TRPC3: variants seen among roughly 807,000 people sequenced by gnomAD.
TRPC3 encodes short transient receptor potential channel 3.
TRPC3 carries 54 observed loss-of-function variants against 90.9 expected under a neutral mutation model. The ratio of observed to expected loss-of-function variants is 0.59; its 90% CI spans 0.48 to 0.75. TRPC3 has a LOEUF of 0.75. Ranked by LOEUF, TRPC3 falls within the 30% of genes least tolerant of loss-of-function variation. TRPC3 has a pLI of 0.00. For synonymous variants in TRPC3, 424 were observed against 450.9 expected, an observed-to-expected ratio of 0.94 and a Z score of 0.75; for missense variants, 918 against 1,194.5, an observed-to-expected ratio of 0.77 and a Z score of 3.41.
Position 121,914,896 on chromosome 4 carries a change from C to G in TRPC3, c.1225G>C (p.Glu409Gln). The G allele has an allele frequency of 6.2e-7, 1 of 1,612,268 alleles. No homozygotes were observed. The highest frequency in any genetic ancestry group is 1.1e-5 in the South Asian group (1 of 90,862). ...TGCTCCCTTAGGCCTGAGAGGTTCT[C>G]ATACCAGATCGTCAAGAGCTGCTGC... ...CQQQLLTIWY[E>Q]NLSGLREQTI... Residue 409 changes from glutamate (E) to glutamine (Q), a missense_variant, in exon 4 of 12, where the codon GAG (glutamate) becomes CAG (glutamine). Around this residue, in one of 4 missense-constraint regions of TRPC3, gnomAD observed 609 missense variants for 725.9 expected, o/e 0.84. Coordinates refer to ENST00000379645, the MANE Select transcript of TRPC3 (RefSeq NM_001130698.2).
At chr4:121,919,075 G>A (rs1269314271) in intron 3 of TRPC3, among the ~76,000 whole-genome samples, 1 of 152,314 alleles carries the variant, frequency 6.6e-6, no homozygotes, top group African/African-American at 2.4e-5. Flanking sequence ...CTGATTCAAA[G>A]AGAGAATGCT....
chr4:121,918,010 C>A (rs555723843), intron 3 of TRPC3, among the ~76,000 whole-genome samples: 2 of 152,206 alleles, frequency 1.3e-5, no homozygotes, highest in African/African-American at 2.4e-5. Context: ...TCTCCTCCAA[C>A]ATTCAGGTGC....
chr4:121,912,552 TTAC>T (rs1275544232), intron 4 of TRPC3, among the ~76,000 whole-genome samples: 1 of 152,194 alleles, frequency 6.6e-6, no homozygotes, highest in East Asian at 1.9e-4. Context: ...ATTAAAAAAA[TTAC>T]TACTACAGAA....
In TRPC3 at chr4:121,881,592, T is replaced by A. The variant is rs1464679124; in HGVS notation, c.2623+762A>T. Among the ~76,000 whole-genome samples, 3 of 152,220 alleles carry A rather than the reference T, an allele frequency of 2.0e-5. 1 individual carries two copies. Among genetic ancestry groups the A allele is most frequent in the South Asian group, 4.1e-4 (2 of 4,834 alleles). On this transcript the variant is annotated intron_variant, in intron 11 of 11. Transcript: ENST00000379645. ...TGATTTACATTTAAAATGCATTCCTTGTATTAATCAAGTAATGGCTTCAAA... is the reference window on the plus strand; with the variant it reads ...TGATTTACATTTAAAATGCATTCCTAGTATTAATCAAGTAATGGCTTCAAA...
rs1402157427 is a variant in TRPC3, at chr4:121,951,409, G to GC, written c.215+56dup. 8.0e-6 allele frequency: 9 copies of GC among 1,123,498 alleles called. No individual in the cohort carries two copies. The highest frequency in any genetic ancestry group is 3.3e-5 in the African/African-American group (2 of 60,566). The allele number at this position is 1,123,498 out of a possible 1,614,324, so 69.6% of individuals were successfully genotyped here. Reference sequence around the variant, plus strand: ...GGAGCCGCCCGGCGCGCGCCTTCCCGCCCCCCGCCCGGCACCGCCCTCCGA... The same window carrying GC: ...GGAGCCGCCCGGCGCGCGCCTTCCCGCCCCCCCGCCCGGCACCGCCCTCCGA... On this transcript the variant is annotated intron_variant, in intron 1 of 11. Transcript: ENST00000379645. This position sits in a 1 kb window ranked among gnomAD's most constrained non-coding sequence, Gnocchi z 4.4.
At chr4:121,922,754 C>T (rs1255262247) in intron 3 of TRPC3, among the ~76,000 whole-genome samples, 1 of 152,162 alleles carries the variant, frequency 6.6e-6, no homozygotes, top group African/African-American at 2.4e-5. Flanking sequence ...TATGTCTAGA[C>T]AATTTTCTAA....
intron 10 of TRPC3, among the ~76,000 whole-genome samples, chr4:121,884,466 C>T (rs906493): frequency 0.67 from 101,860 of 151,378 alleles, 34,291 homozygotes; most frequent in East Asian, 0.83. Flanking sequence ...TTTTGCATTA[C>T]ACATATTCTT....
chr4:121,904,537 C>G lies in TRPC3; in HGVS notation c.2058-20G>C. The G allele has an allele frequency of 6.6e-7, 1 of 1,508,300 alleles. No homozygotes were observed. Among genetic ancestry groups the G allele is most frequent in the Non-Finnish European group, 8.8e-7 (1 of 1,130,248 alleles). The allele number at this position is 1,508,300 out of a possible 1,614,324, so 93.4% of individuals were successfully genotyped here. A position where few individuals can be genotyped will look rare whatever the true frequency, so the allele number is the denominator to read the frequency against. ...TCTACACTGTTGAAAAAATAAGATA[C>G]AAAGTAAGTAAGTTAACAGTTTTCA... On this transcript the variant is annotated intron_variant, in intron 7 of 11. Transcript: ENST00000379645.
chr4:121,933,069 T>A (rs202009238), intron 1 of TRPC3, 27 bp from the exon 2 acceptor site: 1 of 1,530,658 alleles, frequency 6.5e-7, no homozygotes, highest in Non-Finnish European at 8.8e-7. Context: ...ATAAAACAAC[T>A]GTAGAATATT....
At chr4:121,914,658 C>T (rs1729235302) in intron 4 of TRPC3, 122 bp downstream of exon 4, 1 of 1,066,908 alleles carries the variant, frequency 9.4e-7, no homozygotes, top group African/African-American at 1.6e-5. Flanking sequence ...AATCTGTGTT[C>T]TTGAATCAAT....
chr4:121,912,495 T>C (rs1463764048), intron 4 of TRPC3, among the ~76,000 whole-genome samples: 2 of 152,178 alleles, frequency 1.3e-5, no homozygotes, highest in Non-Finnish European at 2.9e-5. Flanking sequence ...ATTGAGATGT[T>C]ATGAGGATCT....
At chr4:121,916,590 G>A (rs1054539687) in intron 3 of TRPC3, among the ~76,000 whole-genome samples, 1 of 152,130 alleles carries the variant, frequency 6.6e-6, no homozygotes, top group Non-Finnish European at 1.5e-5. Context: ...AGGAGAGCTC[G>A]CTCTTTCCAC....
At position 121,951,849 on chromosome 4, in the gene TRPC3, C is replaced by G; in HGVS notation, c.-169G>C. The G allele has an allele frequency of 2.2e-6, 1 of 451,264 alleles. No homozygotes were observed. Among genetic ancestry groups the G allele is most frequent in the Non-Finnish European group, 3.7e-6 (1 of 271,928 alleles). 28.0% of individuals were successfully genotyped at this position (451,264 alleles called of 1,614,324 possible). ...GAGAGCGTCGCGGCCCGCGATCCAG[C>G]AGTTAGAGGCTAGCGCCGAAGCCGA... is the stretch of plus-strand genomic sequence containing the variant. On this transcript the variant is annotated 5_prime_UTR_variant, in exon 1 of 12. Transcript: ENST00000379645. This position sits in a 1 kb window ranked among gnomAD's most constrained non-coding sequence, Gnocchi z 4.4.
chr4:121,889,332 A>G (rs943882186), intron 10 of TRPC3, among the ~76,000 whole-genome samples: 2 of 152,188 alleles, frequency 1.3e-5, no homozygotes, highest in African/African-American at 4.8e-5. Context: ...ACATCTGACA[A>G]GGGGTTAATA....
At chr4:121,935,641 A>G (rs1289293117) in intron 1 of TRPC3, among the ~76,000 whole-genome samples, 2 of 152,172 alleles carry the variant, frequency 1.3e-5, no homozygotes, top group Non-Finnish European at 2.9e-5. Flanking sequence ...GATATTCTTC[A>G]AATGGCTAGA....
Position 121,910,240 on chromosome 4 carries a change from T to C in TRPC3, c.1706A>G (p.Lys569Arg). Residue 569 changes from lysine to arginine, a missense_variant, in exon 6 of 12, where the codon AAG becomes AGG. Coordinates refer to ENST00000379645, the MANE Select transcript of TRPC3 (RefSeq NM_001130698.2). ...ARFLAFLQAT[K>R]AQQYVDSYVQ... ...GTAACTGTCCACATACTGTTGTGCC[T>C]TCGTTGCCTGAAGGAAAGCTAGGAA... 1 of 1,613,848 alleles carries C rather than the reference T, an allele frequency of 6.2e-7. No individual in the cohort carries two copies. The highest frequency in any genetic ancestry group is 1.1e-5 in the South Asian group (1 of 91,084).
At chr4:121,926,070 C>CA (rs1259342243) in intron 2 of TRPC3, among the ~76,000 whole-genome samples, 1 of 152,066 alleles carries the variant, frequency 6.6e-6, no homozygotes, top group Admixed American at 6.5e-5. Context: ...CACCACAAAA[C>CA]AAAAAAACCC....
At chr4:121,925,260 G>T (rs1578641339) in intron 2 of TRPC3, 54 bp from the exon 3 acceptor site, 1 of 1,538,044 alleles carries the variant, frequency 6.5e-7, no homozygotes, top group Middle Eastern at 1.7e-4. Context: ...TTATTCAGTG[G>T]AAAGTATTTG....
In TRPC3 at chr4:121,899,694, A is replaced by C; in HGVS notation, c.2465T>G (p.Leu822Ter). The C allele has an allele frequency of 6.2e-7, 1 of 1,609,578 alleles. No individual in the cohort carries two copies. The highest frequency in any genetic ancestry group is 8.5e-7 in the Non-Finnish European group (1 of 1,176,426). The change falls in exon 10 of 12, where the codon TTA becomes TGA. Residue 822 changes from leucine to a stop codon, truncating the protein, a stop_gained and splice_region_variant. Coordinates refer to ENST00000379645, the MANE Select transcript of TRPC3 (RefSeq NM_001130698.2). LOFTEE classifies it high-confidence loss of function. Reference protein sequence around the residue: ...EMGMGNSKSRLNLFTQSNSRV... With the variant: ...EMGMGNSKSR ...TGAGTTAGACTGAGTGAAGAGGTTTAACTAGGAAAAAATACAATTAACCTA... is the reference window on the plus strand; with the variant it reads ...TGAGTTAGACTGAGTGAAGAGGTTTCACTAGGAAAAAATACAATTAACCTA...
Sources: gnomAD v4.1 joint callset for allele counts (sites outside exome capture counted in the v4.1 genomes callset) on GRCh38, gnomAD v4.1.1 for gene constraint, gnomAD v4.1.1 regional missense constraint, Gnocchi (gnomAD v3.1) non-coding constraint, MANE v1.5 for transcripts, NCBI Gene and HGNC (gene_info 2026-07-23, HGNC 2026-07-21) for gene names.